MICAL3: variants seen among roughly 807,000 people sequenced by gnomAD.
MICAL3 encodes microtubule associated monooxygenase, calponin and LIM domain containing 3.
Under a neutral mutation model 207.4 loss-of-function variants are expected in MICAL3, and 62 were observed. The observed-to-expected ratio is 0.30, with a 90% CI of 0.24 to 0.37. MICAL3 has a LOEUF of 0.37. Among genes scored for constraint, MICAL3 ranks in the 10% least tolerant of loss-of-function variants. The probability of loss-of-function intolerance (pLI) is 1.00; values close to 1 mark genes in which losing one functional copy is unlikely to be tolerated. For synonymous variants in MICAL3, 1,077 were observed against 1,069.3 expected (o/e 1.01, Z -0.14); for missense variants, 2,368 against 2,635.6 (o/e 0.90, Z 2.22).
At chr22:17,879,596 C>G (rs2146204719) in intron 16 of MICAL3, among the ~76,000 whole-genome samples, 1 of 152,310 alleles carries the variant, frequency 6.6e-6, no homozygotes, top group Middle Eastern at 3.4e-3. Flanking sequence ...TCTGCACAGC[C>G]ATTCCACCCC....
intron 1 of MICAL3, among the ~76,000 whole-genome samples, chr22:17,962,054 C>T (rs552304736): frequency 6.6e-6 from 1 of 152,310 alleles, no homozygotes; most frequent in South Asian, 2.1e-4. Flanking sequence ...TAGGAAAGTG[C>T]TTCTTACAGA....
chr22:17,888,263 G>A (rs1196617860), intron 13 of MICAL3, among the ~76,000 whole-genome samples: 1 of 152,060 alleles, frequency 6.6e-6, no homozygotes, highest in Non-Finnish European at 1.5e-5. Context: ...TGGAAGCCTG[G>A]GATACTGTAA....
Position 17,801,278 on chromosome 22 carries a change from A to G in MICAL3, c.5650+7566T>C, listed in dbSNP as rs1233984888. Among the ~76,000 whole-genome samples the G allele has an allele frequency of 4.1e-5, 4 of 97,302 alleles. 1 individual carries two copies. The highest frequency in any genetic ancestry group is 6.9e-5 in the African/African-American group (1 of 14,438). 63.8% of individuals were successfully genotyped at this position (97,302 alleles called of 152,430 possible). ...CGCCATTCTCCTGCCTCAGCCTCCCAAGTAGCCGGGACTACAGGCGCCCGC... is the reference window on the plus strand; with the variant it reads ...CGCCATTCTCCTGCCTCAGCCTCCCGAGTAGCCGGGACTACAGGCGCCCGC... On this transcript the variant is annotated intron_variant, in intron 29 of 31. Coordinates refer to ENST00000441493, the MANE Select transcript of MICAL3 (RefSeq NM_015241.3).
intron 20 of MICAL3, among the ~76,000 whole-genome samples, chr22:17,836,647 G>GT (rs745531683): frequency 0.086 from 12,200 of 141,710 alleles, 703 homozygotes; most frequent in African/African-American, 0.16. Context: ...TTCCTGGGTG[G>GT]TTTTTTTTTT....
intron 1 of MICAL3, among the ~76,000 whole-genome samples, chr22:17,991,436 C>G (rs2146463068): frequency 6.6e-6 from 1 of 152,348 alleles, no homozygotes; most frequent in Non-Finnish European, 1.5e-5. Context: ...TCAAGACGTA[C>G]AGATACACAC....
At chr22:17,931,970 T>C (rs1339643131) in intron 1 of MICAL3, among the ~76,000 whole-genome samples, 1 of 152,178 alleles carries the variant, frequency 6.6e-6, no homozygotes, top group South Asian at 2.1e-4. Flanking sequence ...GTGCCTGCCC[T>C]TGGGGAGCTT....
At chr22:18,001,495 G>C (rs1025639101) in intron 1 of MICAL3, 6 of 152,462 alleles carry the variant, frequency 3.9e-5, no homozygotes, top group South Asian at 2.1e-4. Flanking sequence ...GTAGCAGCCG[G>C]AGAAGCGGCG....
intron 1 of MICAL3, among the ~76,000 whole-genome samples, chr22:17,916,419 G>A (rs945585244): frequency 1.3e-5 from 2 of 152,034 alleles, no homozygotes; most frequent in African/African-American, 2.4e-5. Flanking sequence ...GACCCCACCC[G>A]CTCCAACTAA....
At chr22:17,799,982 A>ACACACACACGCG (rs932512538) in intron 29 of MICAL3, among the ~76,000 whole-genome samples, 4 of 147,654 alleles carry the variant, frequency 2.7e-5, no homozygotes, top group African/African-American at 1.0e-4. Context: ...ACACACACAC[A>ACACACACACGCG]CGCGTTGGGA....
chr22:17,838,120 G>A (rs2587108), intron 20 of MICAL3, among the ~76,000 whole-genome samples: 73,254 of 152,070 alleles, frequency 0.48, 19,942 homozygotes, highest in African/African-American at 0.76. Flanking sequence ...TATATTTTTA[G>A]CCAAGCATCC....
intron 1 of MICAL3, among the ~76,000 whole-genome samples, chr22:17,935,006 T>C (rs1933446580): frequency 1.3e-5 from 2 of 152,030 alleles, no homozygotes; most frequent in African/African-American, 4.8e-5. Context: ...ATAGGAAGAA[T>C]CAATATCATG....
intron 19 of MICAL3, among the ~76,000 whole-genome samples, chr22:17,859,235 T>C (rs1926254621): frequency 6.6e-6 from 1 of 152,218 alleles, no homozygotes; most frequent in Non-Finnish European, 1.5e-5. Flanking sequence ...CCCAGGGACC[T>C]GCTGCTCTGA....
In MICAL3 at chr22:17,896,997, G is replaced by A; in HGVS notation, c.949-16C>T. ...CGGCGTAGTCCTGTCTCCAGAGAAA[G>A]AGGAGGGTAGGGATGGAGAAGCTCT... On this transcript the variant is annotated splice_polypyrimidine_tract_variant and intron_variant, in intron 7 of 31. Coordinates refer to ENST00000441493, the MANE Select transcript of MICAL3 (RefSeq NM_015241.3). 3 of 1,602,584 alleles carry A rather than the reference G, an allele frequency of 1.9e-6. No individual in the cohort carries two copies. The highest frequency in any genetic ancestry group is 2.6e-6 in the Non-Finnish European group (3 of 1,174,272).
rs2061804221 is a variant in MICAL3 at position 17,788,699 on chromosome 22, T to A, written c.*2033A>T. On this transcript the variant is annotated 3_prime_UTR_variant, in exon 32 of 32. Transcript: ENST00000441493. Reference sequence around the variant, plus strand: ...GAGAACAGGTGGAGAATCAGCGCTGTGGCGGCCACTAGCGGCGTTATCTCC... The same window carrying A: ...GAGAACAGGTGGAGAATCAGCGCTGAGGCGGCCACTAGCGGCGTTATCTCC... The A allele has an allele frequency of 6.6e-6, 1 of 152,286 alleles. No homozygotes were observed. Among genetic ancestry groups the A allele is most frequent in the African/African-American group, 2.4e-5 (1 of 41,484 alleles). The allele number at this position is 152,286 out of a possible 1,614,324, so 9.4% of individuals were successfully genotyped here. A position where few individuals can be genotyped will look rare whatever the true frequency, so the allele number is the denominator to read the frequency against.
chr22:17,876,805 A>AG (rs1928478321), intron 16 of MICAL3: 1 of 107,504 alleles, frequency 9.3e-6, no homozygotes, highest in Non-Finnish European at 2.1e-5. Context: ...GAAGTTATGG[A>AG]GGTTAGGGAG....
intron 19 of MICAL3, chr22:17,861,993 AAG>A: frequency 1.0e-6 from 1 of 985,386 alleles, no homozygotes; most frequent in Non-Finnish European, 1.2e-6. Flanking sequence ...CATAAAGGAG[AAG>A]AGAGAAATGC....
intron 12 of MICAL3, among the ~76,000 whole-genome samples, chr22:17,890,744 T>C (rs1446078355): frequency 6.6e-6 from 1 of 152,170 alleles, no homozygotes. Flanking sequence ...GACCTAATGA[T>C]GAAAAGGACA....
intron 29 of MICAL3, among the ~76,000 whole-genome samples, chr22:17,797,025 G>A (rs1038408814): frequency 2.0e-5 from 3 of 152,100 alleles, no homozygotes; most frequent in African/African-American, 4.8e-5. Flanking sequence ...ACTGCATCAA[G>A]AAGACACCCG....
At chr22:18,013,085 AG>A (rs1277843688) in intron 1 of MICAL3, among the ~76,000 whole-genome samples, 1 of 152,126 alleles carries the variant, frequency 6.6e-6, no homozygotes, top group Non-Finnish European at 1.5e-5. Context: ...CTGGAAGTTG[AG>A]TGTCAAGCAG....
Sources: gnomAD v4.1 joint callset for allele counts (sites outside exome capture counted in the v4.1 genomes callset) on GRCh38, gnomAD v4.1.1 for gene constraint, MANE v1.5 for transcripts, NCBI Gene and HGNC (gene_info 2026-07-23, HGNC 2026-07-21) for gene names.